The following PTBP2 variants were observed in gnomAD, a reference collection of about 807,000 sequenced individuals.
PTBP2 encodes polypyrimidine tract-binding protein 2.
A neutral mutation model predicts 61.4 loss-of-function variants in PTBP2; 13 were observed. That is an observed-to-expected ratio of 0.21 (90% CI 0.14 to 0.34). PTBP2 has a LOEUF of 0.34. PTBP2 is among the 10% of genes least tolerant of loss of function. PTBP2 has a pLI of 1.00. For missense variants in PTBP2, 405 were observed against 642.6 expected, an observed-to-expected ratio of 0.63 and a Z score of 4.00; for synonymous variants, 215 against 218.5, an observed-to-expected ratio of 0.98 and a Z score of 0.14.
At chr1:96,800,338 G>A (rs943450614) in intron 8 of PTBP2, among the ~76,000 whole-genome samples, 48 of 149,480 alleles carry the variant, frequency 3.2e-4, no homozygotes, top group Non-Finnish European at 6.5e-4. Flanking sequence ...CTAGAAGATT[G>A]GTAGTCTTAT....
intron 8 of PTBP2, among the ~76,000 whole-genome samples, chr1:96,792,408 A>T (rs1570965625): frequency 6.6e-6 from 1 of 152,292 alleles, no homozygotes; most frequent in East Asian, 1.9e-4. Context: ...TTAACTTTTG[A>T]GTGGCCGAGC....
chr1:96,752,210 A>G (rs763132226), intron 3 of PTBP2, among the ~76,000 whole-genome samples: 4 of 152,122 alleles, frequency 2.6e-5, no homozygotes, highest in Non-Finnish European at 4.4e-5. Flanking sequence ...TGAATGGGCC[A>G]AATTTTGAAT....
At chr1:96,801,539 G>A (rs1660997732) in intron 8 of PTBP2, among the ~76,000 whole-genome samples, 1 of 152,078 alleles carries the variant, frequency 6.6e-6, no homozygotes, top group Non-Finnish European at 1.5e-5. Context: ...CTAATAGTAT[G>A]TGTGTTTATG....
chr1:96,801,920 A>ACC (rs1482600896), intron 8 of PTBP2, among the ~76,000 whole-genome samples: 21 of 148,730 alleles, frequency 1.4e-4, no homozygotes, highest in African/African-American at 5.2e-4. Flanking sequence ...CATTAATAGA[A>ACC]CCCACATTAG....
In PTBP2 at chr1:96,804,870, C is replaced by G. The variant is rs1403521680; in HGVS notation, c.975C>G (p.Gly325=). Residue 325 remains glycine (G), a synonymous_variant, in exon 9 of 14, where the codon GGC becomes GGG. Transcript: ENST00000674951. ...CAGCAGCTGCTGCAGCTGCTGCTGG[C>G]CGAGTGGGTATGCCTGGAGTCTCAG... ...AAAAAAAAAA[G]RVGMPGVSAG... 1 of 1,611,854 alleles carries G rather than the reference C, an allele frequency of 6.2e-7. No individual in the cohort carries two copies. Among genetic ancestry groups the G allele is most frequent in the South Asian group, 1.1e-5 (1 of 90,840 alleles).
At chr1:96,745,997 C>T (rs914180769) in intron 2 of PTBP2, among the ~76,000 whole-genome samples, 4 of 150,704 alleles carry the variant, frequency 2.7e-5, no homozygotes, top group Non-Finnish European at 4.4e-5. Flanking sequence ...ACCCAGGAGG[C>T]GGAGGTTGCA....
chr1:96,795,633 A>G (rs1193990627), intron 8 of PTBP2, among the ~76,000 whole-genome samples: 2 of 152,252 alleles, frequency 1.3e-5, no homozygotes, highest in Non-Finnish European at 2.9e-5. Context: ...AGTAGTGATC[A>G]TTCAGTACAG....
In PTBP2 at chr1:96,813,044, A is replaced by G; in HGVS notation, c.1404A>G (p.Glu468=). ...ATTTTCCTAGTCCATCAGTAGCAGA[A>G]GAGGATCTACGAACACTGTTCGCTA... is the stretch of plus-strand genomic sequence containing the variant. ...HLSNIPPSVA[E]EDLRTLFANT... is the part of the protein sequence containing the mutation. The change falls in exon 13 of 14, where the codon GAA becomes GAG. Residue 468 remains glutamate, a synonymous_variant. Transcript: ENST00000674951. 1.2e-6 allele frequency: 2 copies of G among 1,613,200 alleles called. No homozygotes were observed. The highest frequency in any genetic ancestry group is 1.7e-6 in the Non-Finnish European group (2 of 1,179,324).
chr1:96,787,109 C>T (rs894141629), intron 8 of PTBP2, among the ~76,000 whole-genome samples: 3 of 152,268 alleles, frequency 2.0e-5, no homozygotes, highest in Non-Finnish European at 4.4e-5. Context: ...CAACTTCCGC[C>T]TCCCGGGTTC....
At chr1:96,798,457 T>G (rs1660617012) in intron 8 of PTBP2, among the ~76,000 whole-genome samples, 1 of 152,168 alleles carries the variant, frequency 6.6e-6, no homozygotes, top group South Asian at 2.1e-4. Flanking sequence ...ACTAATGCTC[T>G]TCTGTTCAGT....
intron 2 of PTBP2, among the ~76,000 whole-genome samples, chr1:96,747,520 G>T (rs1199108639): frequency 6.6e-6 from 1 of 151,830 alleles, no homozygotes; most frequent in Non-Finnish European, 1.5e-5. Flanking sequence ...GTAGGGATCT[G>T]GTTTCATTTT....
chr1:96,751,271 G>C (rs988734153), intron 2 of PTBP2, 154 bp from the exon 3 acceptor site: 15 of 703,140 alleles, frequency 2.1e-5, no homozygotes, highest in Non-Finnish European at 3.9e-5. Flanking sequence ...GGGATAGATG[G>C]GAGAGTAGAG....
chr1:96,745,964 G>C (rs923121544), intron 2 of PTBP2, among the ~76,000 whole-genome samples: 1 of 151,936 alleles, frequency 6.6e-6, no homozygotes. Context: ...TACTCAGGAG[G>C]CTGAGACAGG....
intron 2 of PTBP2, chr1:96,749,582 C>G (rs1159193767): frequency 8.9e-6 from 4 of 450,188 alleles, no homozygotes; most frequent in South Asian, 1.6e-5. Context: ...CTTTATTTCT[C>G]TATCCTGTGG....
chr1:96,777,795 T>G, intron 6 of PTBP2, 41 bp from the exon 7 acceptor site: 3 of 1,530,390 alleles, frequency 2.0e-6, no homozygotes, highest in Non-Finnish European at 2.7e-6. Context: ...GAAATAATAA[T>G]ATAGTAAATA....
intron 7 of PTBP2, among the ~76,000 whole-genome samples, chr1:96,779,455 A>G (rs1376944196): frequency 6.6e-6 from 1 of 152,120 alleles, no homozygotes; most frequent in East Asian, 1.9e-4. Flanking sequence ...TCTTAAGGGG[A>G]AAATTGTTTA....
At chr1:96,724,955 A>G (rs1164970992) in intron 2 of PTBP2, among the ~76,000 whole-genome samples, 1 of 152,110 alleles carries the variant, frequency 6.6e-6, no homozygotes, top group Non-Finnish European at 1.5e-5. Context: ...CCTCTTTCCT[A>G]TAGTGAAATA....
intron 2 of PTBP2, among the ~76,000 whole-genome samples, chr1:96,737,899 AGCTT>A: frequency 6.6e-6 from 1 of 151,968 alleles, no homozygotes; most frequent in East Asian, 1.9e-4. Flanking sequence ...TTTTTTTACT[AGCTT>A]GCTTTCATGC....
At chr1:96,758,529 A>G (rs918261306) in intron 3 of PTBP2, among the ~76,000 whole-genome samples, 1 of 152,100 alleles carries the variant, frequency 6.6e-6, no homozygotes, top group Non-Finnish European at 1.5e-5. Context: ...CCGGTAGAAT[A>G]TGAGAGACAA....
Sources: allele counts gnomAD v4.1 joint callset (sites outside exome capture counted in the v4.1 genomes callset), GRCh38; gene constraint gnomAD v4.1.1; transcripts MANE v1.5; gene names NCBI Gene and HGNC (gene_info 2026-07-23, HGNC 2026-07-21).